MARCO: variants seen among roughly 807,000 people sequenced by gnomAD.
MARCO encodes macrophage receptor with collagenous structure, also known as macrophage receptor MARCO.
A neutral mutation model predicts 70.0 loss-of-function variants in MARCO; 72 were observed. That is an observed-to-expected ratio of 1.03 (90% CI 0.85 to 1.25). The LOEUF (loss-of-function observed/expected upper bound fraction) is 1.25. Ranked by LOEUF, MARCO falls within the 50% of genes most tolerant of loss-of-function variation. MARCO has a pLI of 0.00. For missense variants in MARCO, 696 were observed against 659.3 expected (o/e 1.06, Z -0.61); for synonymous variants, 273 against 243.1 (o/e 1.12, Z -1.14).
chr2:118,942,328 G>A lies in MARCO; in HGVS notation c.28G>A (p.Asp10Asn). ...GAGAAATAAGAAAATTCTCAAGGAGGACGAGCTCTTGAGTGAGACCCAACA... is the reference window on the plus strand; with the variant it reads ...GAGAAATAAGAAAATTCTCAAGGAGAACGAGCTCTTGAGTGAGACCCAACA... MRNKKILKE[D>N]ELLSETQQAA... The change falls in exon 1 of 17, where the codon GAC becomes AAC. Residue 10 changes from aspartate (D) to asparagine (N), a missense_variant. Asp to Asn is a conservative substitution (Grantham distance 23). Transcript: ENST00000327097. 2 of 1,613,676 alleles carry A rather than the reference G, an allele frequency of 1.2e-6. No individual in the cohort carries two copies. The highest frequency in any genetic ancestry group is 1.7e-6 in the Non-Finnish European group (2 of 1,179,698).
chr2:118,972,500 G>T (rs1345666274), intron 4 of MARCO, among the ~76,000 whole-genome samples: 3 of 152,118 alleles, frequency 2.0e-5, no homozygotes, highest in Non-Finnish European at 4.4e-5. Context: ...GGGTGGCCTT[G>T]AGTAAGTCAC....
chr2:118,982,076 G>A, intron 10 of MARCO, 80 bp from the exon 11 acceptor site: 1 of 982,800 alleles, frequency 1.0e-6, no homozygotes, highest in South Asian at 1.5e-5. Context: ...TCTCACTGCT[G>A]AAAACAGAAG....
Position 118,977,891 on chromosome 2 carries a change from G to T in MARCO, c.722G>T (p.Gly241Val), listed in dbSNP as rs2104590832. 6.2e-7 allele frequency: 1 copy of T among 1,612,592 alleles called. No individual in the cohort carries two copies. The highest frequency in any genetic ancestry group is 2.2e-5 in the East Asian group (1 of 44,796). ...KGDGGLIGPK[G>V]ETGTKGEKGD... ...GATGGGGGTCTCATTGGCCCAAAAG[G>T]GGAAACTGGAACTAAGGGAGAGAAA... Residue 241 changes from glycine (G) to valine (V), a missense_variant, in exon 8 of 17, where the codon GGG becomes GTG. By Grantham distance (109) the Gly-to-Val change is moderately radical. Coordinates refer to ENST00000327097, the MANE Select transcript of MARCO (RefSeq NM_006770.4).
At chr2:118,980,357 A>G (rs980087927) in intron 8 of MARCO, among the ~76,000 whole-genome samples, 16 of 152,152 alleles carry the variant, frequency 1.1e-4, no homozygotes, top group African/African-American at 3.6e-4. Flanking sequence ...CCCTTCAAGT[A>G]TTCAGCCATC....
intron 6 of MARCO, 141 bp from the exon 7 acceptor site, chr2:118,977,330 G>C (rs1680302343): frequency 1.4e-6 from 1 of 711,710 alleles, no homozygotes; most frequent in Non-Finnish European, 2.6e-6. Context: ...GAGAGAGAGA[G>C]AGAGAGTGAG....
At chr2:118,973,385 G>GTC (rs145508451) in intron 4 of MARCO, among the ~76,000 whole-genome samples, 6,871 of 148,592 alleles carry the variant, frequency 0.046, 474 homozygotes, top group African/African-American at 0.16. Flanking sequence ...TCTGACTTCT[G>GTC]TCTCTCTCTC....
intron 16 of MARCO, among the ~76,000 whole-genome samples, chr2:118,993,600 G>A (rs1020687241): frequency 6.6e-6 from 1 of 152,156 alleles, no homozygotes; most frequent in East Asian, 1.9e-4. Flanking sequence ...GCCGCAGATG[G>A]CTCTCCAAAG....
intron 12 of MARCO, among the ~76,000 whole-genome samples, chr2:118,985,730 G>A (rs779065918): frequency 3.3e-5 from 5 of 152,010 alleles, no homozygotes; most frequent in South Asian, 2.1e-4. Flanking sequence ...ACTCCACTTC[G>A]GCTTGTAATC....
intron 1 of MARCO, among the ~76,000 whole-genome samples, chr2:118,962,161 C>T (rs1389060364): frequency 2.0e-5 from 3 of 152,116 alleles, no homozygotes; most frequent in Admixed American, 6.6e-5. Flanking sequence ...GTGATGCCTC[C>T]AGCTCTGTTC....
chr2:118,992,443 GA>G lies in MARCO; in HGVS notation c.1220del (p.Glu407GlyfsTer4), dbSNP rs774052773. The G allele has an allele frequency of 4.3e-6, 7 of 1,613,834 alleles. No individual in the cohort carries two copies. In the South Asian group the frequency reaches 6.6e-5, roughly 15 times the overall value. ...TCTCCTCATGACAGGATCTTCTGGGGAGCAAGGAGTAAAGGGAGAAAAAGGT... is the reference window on the plus strand; with the variant it reads ...TCTCCTCATGACAGGATCTTCTGGGGGCAAGGAGTAAAGGGAGAAAAAGGT... ...GDQGVKGSSG[E>X]QGVKGEKGER... On this transcript the variant is annotated frameshift_variant, in exon 15 of 17. Coordinates refer to ENST00000327097, the MANE Select transcript of MARCO (RefSeq NM_006770.4). LOFTEE classifies it high-confidence loss of function.
In MARCO at chr2:118,978,383, CT is replaced by C. The variant is rs757066304; in HGVS notation, c.766+450del. Among the ~76,000 whole-genome samples, 3 of 152,338 alleles carry C rather than the reference CT, an allele frequency of 2.0e-5. No individual in the cohort carries two copies. In the East Asian group the frequency reaches 5.8e-4, roughly 29 times the overall value. On this transcript the variant is annotated intron_variant, in intron 8 of 16. Coordinates refer to ENST00000327097, the MANE Select transcript of MARCO (RefSeq NM_006770.4). Reference sequence around the variant, plus strand: ...CAATATCATAAGAGCTGTTTGGGTGCTTGCTTAAAATGCAGGGAGGGCTCGA... The same window carrying C: ...CAATATCATAAGAGCTGTTTGGGTGCTGCTTAAAATGCAGGGAGGGCTCGA...
At chr2:118,956,724 G>C (rs1340233032) in intron 1 of MARCO, among the ~76,000 whole-genome samples, 1 of 152,096 alleles carries the variant, frequency 6.6e-6, no homozygotes, top group Non-Finnish European at 1.5e-5. Context: ...CTTTCTCCAA[G>C]AGAGACCATA....
At chr2:118,978,084 T>C in intron 8 of MARCO, 149 bp downstream of exon 8, 1 of 563,156 alleles carries the variant, frequency 1.8e-6, no homozygotes, top group Non-Finnish European at 3.2e-6. Context: ...ACATAGTCTC[T>C]TCTTTCCGGG....
intron 12 of MARCO, among the ~76,000 whole-genome samples, chr2:118,988,370 T>A (rs1680555611): frequency 6.6e-6 from 1 of 151,822 alleles, no homozygotes; most frequent in South Asian, 2.1e-4. Context: ...CAATAAAGGG[T>A]GGTCACAGTG....
intron 7 of MARCO, 84 bp from the exon 8 acceptor site, chr2:118,977,744 C>A: frequency 9.4e-7 from 1 of 1,064,296 alleles, no homozygotes; most frequent in Non-Finnish European, 1.4e-6. Flanking sequence ...CCTTCTCTCC[C>A]AAATGCTTCC....
intron 2 of MARCO, 44 bp downstream of exon 2, chr2:118,969,305 G>A (rs754848172): frequency 4.6e-6 from 7 of 1,519,578 alleles, no homozygotes; most frequent in Non-Finnish European, 5.5e-6. Context: ...GGGGGGAGAG[G>A]GGTGACCCAG....
In MARCO at chr2:118,992,469, T is replaced by C; in HGVS notation, c.1245T>C (p.Gly415=). 1 of 1,612,314 alleles carries C rather than the reference T, an allele frequency of 6.2e-7. No individual in the cohort carries two copies. The highest frequency in any genetic ancestry group is 1.1e-5 in the South Asian group (1 of 91,030). ...AGCAAGGAGTAAAGGGAGAAAAAGG[T>C]GAAAGAGGTAATCACTATTTATATT... ...SGEQGVKGEK[G]ERGENSVSVR... The change falls in exon 15 of 17, where the codon GGT becomes GGC. Residue 415 remains glycine, a synonymous_variant. Transcript: ENST00000327097.
intron 12 of MARCO, among the ~76,000 whole-genome samples, chr2:118,990,379 G>A (rs571492566): frequency 6.6e-6 from 1 of 152,240 alleles, no homozygotes; most frequent in South Asian, 2.1e-4. Context: ...CCAGTACTTT[G>A]CCGTTTCACC....
In MARCO at chr2:118,974,527, C is replaced by A. The variant is rs765172623; in HGVS notation, c.575C>A (p.Ser192Ter). Residue 192 changes from serine (S) to a stop codon, truncating the protein, a stop_gained, in exon 6 of 17, where the codon TCG becomes TAG. Transcript: ENST00000327097. LOFTEE classifies it high-confidence loss of function. ...AMGRDGATGP[S>*]GPQGPPGVKG... ...AATTCCCTTTCCCTTCCAGGCCCCT[C>A]GGGACCCCAAGGCCCACCGGGAGTC... 3 of 1,613,902 alleles carry A rather than the reference C, an allele frequency of 1.9e-6. No homozygotes were observed. The highest frequency in any genetic ancestry group is 4.5e-5 in the East Asian group (2 of 44,860).
Sources: gnomAD v4.1 joint callset for allele counts (sites outside exome capture counted in the v4.1 genomes callset) on GRCh38, gnomAD v4.1.1 for gene constraint, MANE v1.5 for transcripts, NCBI Gene and HGNC (gene_info 2026-07-23, HGNC 2026-07-21) for gene names.